The following GALNT13 variants were observed in gnomAD, a reference collection of about 807,000 sequenced individuals.
The protein encoded by GALNT13 is UDP-GalNAc:polypeptide N-acetylgalactosaminyltransferase 13.
A neutral mutation model predicts 64.2 loss-of-function variants in GALNT13; 28 were observed. That is an observed-to-expected ratio of 0.44 (90% confidence interval 0.32 to 0.60). The LOEUF (loss-of-function observed/expected upper bound fraction) is 0.60. GALNT13 is among the 20% of genes least tolerant of loss of function. The pLI is 0.05. For missense variants in GALNT13, 577 were observed against 669.8 expected, an observed-to-expected ratio of 0.86 and a Z score of 1.53; for synonymous variants, 214 against 224.6, an observed-to-expected ratio of 0.95 and a Z score of 0.42.
chr2:153,985,932 T>C (rs1206424259), intron 3 of GALNT13, among the ~76,000 whole-genome samples: 2 of 152,130 alleles, frequency 1.3e-5, no homozygotes, highest in African/African-American at 2.4e-5. Context: ...TTACGTGATC[T>C]CAGCATAATT....
the GALNT13 span, among the ~76,000 whole-genome samples, chr2:153,373,160 G>A: frequency 2.0e-5 from 3 of 149,374 alleles, no homozygotes; most frequent in East Asian, 5.9e-4. Context: ...GTGTGTGTGT[G>A]CACGTGTGTT....
At chr2:153,823,988 T>C in the GALNT13 span, among the ~76,000 whole-genome samples, 1 of 152,154 alleles carries the variant, frequency 6.6e-6, no homozygotes, top group African/African-American at 2.4e-5. Flanking sequence ...AAAGAAGGCA[T>C]GCAAGTGAAC....
At chr2:154,388,125 C>T (rs773237039) in intron 9 of GALNT13, among the ~76,000 whole-genome samples, 10 of 152,116 alleles carry the variant, frequency 6.6e-5, no homozygotes, top group South Asian at 2.1e-4. Context: ...AGGTGCGAGA[C>T]GATACCTTAT....
chr2:153,834,443 A>G, the GALNT13 span, among the ~76,000 whole-genome samples: 1 of 152,194 alleles, frequency 6.6e-6, no homozygotes, highest in Admixed American at 6.5e-5. Flanking sequence ...AGTGGTGGCA[A>G]CCTGGAGAGC....
the GALNT13 span, among the ~76,000 whole-genome samples, chr2:153,572,753 A>T: frequency 6.6e-6 from 1 of 151,984 alleles, no homozygotes; most frequent in Non-Finnish European, 1.5e-5. Flanking sequence ...TATAGTTTCC[A>T]AAATTCCTCC....
intron 3 of GALNT13, among the ~76,000 whole-genome samples, chr2:154,105,849 A>G (rs535004125): frequency 6.6e-6 from 1 of 152,296 alleles, no homozygotes; most frequent in African/African-American, 2.4e-5. Context: ...TTTTATTTCA[A>G]TTAATTTAAA....
chr2:153,685,228 C>T, the GALNT13 span, among the ~76,000 whole-genome samples: 2 of 151,960 alleles, frequency 1.3e-5, no homozygotes, highest in African/African-American at 4.8e-5. Context: ...GGAATTGCCA[C>T]ACTGTCTTCT....
chr2:154,147,941 A>C (rs1160679165), intron 4 of GALNT13, among the ~76,000 whole-genome samples: 1 of 147,542 alleles, frequency 6.8e-6, no homozygotes, highest in African/African-American at 2.5e-5. Context: ...ATTATACTTT[A>C]AGTTTTAGGG....
the GALNT13 span, among the ~76,000 whole-genome samples, chr2:153,343,199 G>A: frequency 0.074 from 11,255 of 152,168 alleles, 545 homozygotes; most frequent in South Asian, 0.19. Context: ...ATGGCCATGC[G>A]TGATTATAAG....
At chr2:154,349,914 G>T (rs707029) in intron 9 of GALNT13, among the ~76,000 whole-genome samples, 4 of 152,204 alleles carry the variant, frequency 2.6e-5, no homozygotes. Context: ...GAGGAGTCCA[G>T]TGGAAGTATC....
intron 3 of GALNT13, among the ~76,000 whole-genome samples, chr2:154,042,823 A>AT (rs1056556271): frequency 6.6e-6 from 1 of 151,122 alleles, no homozygotes; most frequent in Non-Finnish European, 1.5e-5. Flanking sequence ...AATTTAAATA[A>AT]TTTTTTTTCT....
chr2:154,334,263 A>G (rs945574924), intron 9 of GALNT13, among the ~76,000 whole-genome samples: 10 of 151,998 alleles, frequency 6.6e-5, no homozygotes, highest in Non-Finnish European at 1.3e-4. Flanking sequence ...CCATTTTACT[A>G]TTACATTGAG....
At chr2:153,597,552 A>T in the GALNT13 span, among the ~76,000 whole-genome samples, 1 of 152,136 alleles carries the variant, frequency 6.6e-6, no homozygotes, top group Admixed American at 6.6e-5. Flanking sequence ...AGAGGAGTAA[A>T]TCTTCATGAG....
At chr2:154,189,171 G>A (rs1007343376) in intron 4 of GALNT13, among the ~76,000 whole-genome samples, 1 of 151,882 alleles carries the variant, frequency 6.6e-6, no homozygotes, top group African/African-American at 2.4e-5. Flanking sequence ...TGCTTTTAAT[G>A]TTCTTATTCA....
At chr2:153,167,441 G>A in the GALNT13 span, among the ~76,000 whole-genome samples, 6 of 152,188 alleles carry the variant, frequency 3.9e-5, no homozygotes, top group Admixed American at 3.9e-4. Flanking sequence ...CCTTTTGTAA[G>A]CCGTTGAGAT....
the GALNT13 span, among the ~76,000 whole-genome samples, chr2:153,599,796 A>G: frequency 6.6e-6 from 1 of 151,978 alleles, no homozygotes; most frequent in African/African-American, 2.4e-5. Context: ...TGTATCTGAA[A>G]AAACATAATT....
chr2:154,273,510 T>G (rs1478564171), intron 8 of GALNT13, among the ~76,000 whole-genome samples: 2 of 152,174 alleles, frequency 1.3e-5, no homozygotes, highest in Non-Finnish European at 2.9e-5. Context: ...TGTGTACCTA[T>G]TTGCCACATA....
the GALNT13 span, among the ~76,000 whole-genome samples, chr2:153,809,115 C>T: frequency 1.3e-5 from 2 of 152,180 alleles, no homozygotes; most frequent in Non-Finnish European, 2.9e-5. Context: ...TCACCTTAAG[C>T]TCTCTTCACT....
the GALNT13 span, among the ~76,000 whole-genome samples, chr2:153,827,550 C>T: frequency 9.5e-5 from 14 of 148,076 alleles, no homozygotes; most frequent in South Asian, 2.3e-4. Context: ...GGCATGAACC[C>T]GGGAGGCGGA....
Sources: gnomAD v4.1 joint callset for allele counts (sites outside exome capture counted in the v4.1 genomes callset) on GRCh38, gnomAD v4.1.1 for gene constraint, MANE v1.5 for transcripts, NCBI Gene and HGNC (gene_info 2026-07-23, HGNC 2026-07-21) for gene names.